Variants in FMN1 observed in about 807,000 individuals in gnomAD.
FMN1 encodes the protein formin-1.
FMN1 carries 110 observed loss-of-function variants against 132.4 expected under a neutral mutation model. The ratio of observed to expected loss-of-function variants is 0.83; its 90% CI spans 0.71 to 0.97. The LOEUF (loss-of-function observed/expected upper bound fraction) is 0.97, where lower values mean the gene tolerates loss of function less well. Ranked by LOEUF, FMN1 falls within the 50% of genes least tolerant of loss-of-function variation. The pLI, the probability that FMN1 is intolerant of heterozygous loss-of-function variation, is 0.00. For synonymous variants in FMN1, 722 were observed against 651.7 expected, an observed-to-expected ratio of 1.11 and a Z score of -1.64; for missense variants, 1,792 against 1,705.3, an observed-to-expected ratio of 1.05 and a Z score of -0.90.
At chr15:32,902,375 A>G (rs2060319124) in intron 12 of FMN1, among the ~76,000 whole-genome samples, 1 of 152,252 alleles carries the variant, frequency 6.6e-6, no homozygotes, top group African/African-American at 2.4e-5. Context: ...AGTCTTTAAC[A>G]CACGAGAAAA....
intron 6 of FMN1, among the ~76,000 whole-genome samples, chr15:33,019,017 C>A (rs2035255351): frequency 6.6e-6 from 1 of 152,218 alleles, no homozygotes; most frequent in South Asian, 2.1e-4. Flanking sequence ...AAGAACAAAG[C>A]TTCCACCATG....
chr15:33,115,957 A>G (rs945125117), intron 4 of FMN1, among the ~76,000 whole-genome samples: 8 of 152,148 alleles, frequency 5.3e-5, no homozygotes, highest in Non-Finnish European at 1.0e-4. Context: ...CCTGCTTGCA[A>G]TAATAGTAAG....
chr15:32,821,287 C>T (rs1303906637), intron 17 of FMN1, among the ~76,000 whole-genome samples: 3 of 151,760 alleles, frequency 2.0e-5, no homozygotes, highest in African/African-American at 4.8e-5. Flanking sequence ...TTAGATTAAT[C>T]CTCATATTTA....
chr15:32,941,383 G>A (rs2061397905), intron 9 of FMN1, among the ~76,000 whole-genome samples: 2 of 152,098 alleles, frequency 1.3e-5, no homozygotes, highest in Admixed American at 1.3e-4. Context: ...TTATCCCTCT[G>A]CCTTTGGGTT....
chr15:32,778,298 G>C (rs1225779255), intron 19 of FMN1, among the ~76,000 whole-genome samples: 4 of 140,970 alleles, frequency 2.8e-5, no homozygotes, highest in Admixed American at 7.4e-5. Flanking sequence ...ATATTTTTTT[G>C]AGACAGAGTC....
chr15:33,125,953 G>A (rs1188185081), intron 4 of FMN1, among the ~76,000 whole-genome samples: 12 of 152,018 alleles, frequency 7.9e-5, no homozygotes, highest in Admixed American at 3.9e-4. Flanking sequence ...CACGGTTGAA[G>A]GCTTTTTTGT....
At chr15:32,891,717 G>A (rs1273909462) in intron 15 of FMN1, among the ~76,000 whole-genome samples, 1 of 151,968 alleles carries the variant, frequency 6.6e-6, no homozygotes, top group Non-Finnish European at 1.5e-5. Flanking sequence ...GTTGTCTACG[G>A]TTTCTTTCAG....
At chr15:32,982,450 T>A (rs1360833123) in intron 7 of FMN1, among the ~76,000 whole-genome samples, 1 of 152,218 alleles carries the variant, frequency 6.6e-6, no homozygotes, top group Non-Finnish European at 1.5e-5. Context: ...TAGGTTAATA[T>A]GAAAATCCAT....
At chr15:32,783,520 G>A (rs2056739307) in intron 19 of FMN1, among the ~76,000 whole-genome samples, 1 of 152,050 alleles carries the variant, frequency 6.6e-6, no homozygotes, top group African/African-American at 2.4e-5. Context: ...GCCGAGGTGA[G>A]TGGATCATGA....
chr15:33,115,314 G>A (rs1302688605), intron 4 of FMN1, among the ~76,000 whole-genome samples: 5 of 152,132 alleles, frequency 3.3e-5, no homozygotes, highest in South Asian at 2.1e-4. Context: ...CTTGAAGGAT[G>A]AATAAAATCT....
chr15:33,082,701 A>ATT, intron 5 of FMN1, among the ~76,000 whole-genome samples: 1 of 152,270 alleles, frequency 6.6e-6, no homozygotes, highest in South Asian at 2.1e-4. Context: ...GGAACATAAA[A>ATT]AACTGACTCT....
intron 16 of FMN1, among the ~76,000 whole-genome samples, chr15:32,857,361 G>C (rs551880682): frequency 6.6e-6 from 1 of 152,224 alleles, no homozygotes; most frequent in South Asian, 2.1e-4. Context: ...TTTTCTTCTA[G>C]AGATCCAGAA....
At chr15:32,982,494 G>C (rs73372983) in intron 7 of FMN1, among the ~76,000 whole-genome samples, 13,304 of 152,170 alleles carry the variant, frequency 0.087, 704 homozygotes, top group African/African-American at 0.14. Flanking sequence ...ATCAATAATA[G>C]CCTGTGATGG....
intron 17 of FMN1, among the ~76,000 whole-genome samples, chr15:32,841,004 AAAAC>A (rs1275818966): frequency 1.3e-5 from 2 of 152,220 alleles, no homozygotes; most frequent in African/African-American, 2.4e-5. Flanking sequence ...ACAAAATTTA[AAAAC>A]AAACAAACCA....
At chr15:33,118,252 G>A (rs116980703) in intron 4 of FMN1, among the ~76,000 whole-genome samples, 7 of 152,062 alleles carry the variant, frequency 4.6e-5, no homozygotes, top group Admixed American at 2.6e-4. Flanking sequence ...CAATTATATC[G>A]TAAGAGATTT....
chr15:33,081,227 A>AC (rs1405524392), intron 5 of FMN1, among the ~76,000 whole-genome samples: 6 of 151,848 alleles, frequency 4.0e-5, no homozygotes, highest in Non-Finnish European at 8.8e-5. Context: ...CTTCTACCAT[A>AC]CCCCCACCTT....
chr15:33,137,283 C>T lies in FMN1; in HGVS notation c.1867+15765G>A, dbSNP rs74699794. 7.2e-3 allele frequency among the ~76,000 whole-genome samples: 1,102 copies of T among 152,236 alleles called. 12 individuals are homozygous for T. The highest frequency in any genetic ancestry group is 0.02 in the Middle Eastern group (6 of 294). ...CATGCCACCCTTGCCTTTCCCCATT[C>T]CCTGTTGCCATGGGACCTTCACTGT... On this transcript the variant is annotated intron_variant, in intron 4 of 20. Coordinates refer to ENST00000616417, the MANE Select transcript of FMN1 (RefSeq NM_001277313.2).
chr15:33,088,033 A>C (rs528003858), intron 5 of FMN1, among the ~76,000 whole-genome samples: 35 of 152,208 alleles, frequency 2.3e-4, no homozygotes, highest in African/African-American at 8.4e-4. Flanking sequence ...CATCAGAATG[A>C]TACAATGGAC....
At chr15:32,852,190 G>T (rs1014927099) in intron 17 of FMN1, among the ~76,000 whole-genome samples, 1 of 152,112 alleles carries the variant, frequency 6.6e-6, no homozygotes, top group Admixed American at 6.5e-5. Flanking sequence ...CCTGTCTAAA[G>T]TTGACCTCAC....
Sources: gnomAD v4.1 joint callset for allele counts (sites outside exome capture counted in the v4.1 genomes callset) on GRCh38, gnomAD v4.1.1 for gene constraint, MANE v1.5 for transcripts, NCBI Gene and HGNC (gene_info 2026-07-23, HGNC 2026-07-21) for gene names.